The following OTOP1 variants were observed in gnomAD, a reference collection of about 807,000 sequenced individuals.
The protein encoded by OTOP1 is proton channel OTOP1.
Under a neutral mutation model 52.9 loss-of-function variants are expected in OTOP1, and 59 were observed. The ratio of observed to expected loss-of-function variants is 1.12; its 90% CI spans 0.91 to 1.39. The LOEUF is 1.39. Ranked by LOEUF, OTOP1 falls within the 40% of genes most tolerant of loss-of-function variation. The pLI is 0.00. For missense variants in OTOP1, 761 were observed against 800.9 expected, an observed-to-expected ratio of 0.95 and a Z score of 0.60; for synonymous variants, 317 against 337.7, an observed-to-expected ratio of 0.94 and a Z score of 0.67.
intron 1 of OTOP1, among the ~76,000 whole-genome samples, chr4:4,215,314 G>A (rs1482981257): frequency 6.6e-6 from 1 of 152,106 alleles, no homozygotes; most frequent in Non-Finnish European, 1.5e-5. Flanking sequence ...GAATGTCACT[G>A]CTCTACTCAA....
chr4:4,222,967 G>A (rs1169560662), intron 1 of OTOP1, among the ~76,000 whole-genome samples: 1 of 152,196 alleles, frequency 6.6e-6, no homozygotes, highest in African/African-American at 2.4e-5. Context: ...AGAGGCAGCT[G>A]GGATTCTTAT....
intron 5 of OTOP1, among the ~76,000 whole-genome samples, chr4:4,196,739 A>T (rs1284032064): frequency 1.3e-5 from 2 of 152,166 alleles, no homozygotes; most frequent in East Asian, 3.9e-4. Context: ...AAAAATAAAT[A>T]AATAGAAAAT....
At position 4,226,844 on chromosome 4, in the gene OTOP1, C is replaced by G; in HGVS notation, c.21G>C (p.Ser7=). Residue 7 remains serine (S), a synonymous_variant, in exon 1 of 6, where the codon TCG becomes TCC. Coordinates refer to ENST00000296358, the MANE Select transcript of OTOP1 (RefSeq NM_177998.3). MLEGLG[S]PASPRAAASA... ...TTGCAGCTGCCCGGGGCGAGGCGGGCGACCCCAGGCCCTCGAGCATCTTCG... is the reference window on the plus strand; with the variant it reads ...TTGCAGCTGCCCGGGGCGAGGCGGGGGACCCCAGGCCCTCGAGCATCTTCG... 7.4e-7 allele frequency: 1 copy of G among 1,342,486 alleles called. No individual in the cohort carries two copies. Among genetic ancestry groups the G allele is most frequent in the Non-Finnish European group, 9.5e-7 (1 of 1,052,350 alleles). The allele number at this position is 1,342,486 out of a possible 1,614,324, so 83.2% of individuals were successfully genotyped here.
chr4:4,205,752 C>T (rs143078533), intron 3 of OTOP1, among the ~76,000 whole-genome samples: 27 of 152,262 alleles, frequency 1.8e-4, no homozygotes, highest in African/African-American at 3.4e-4. Context: ...GAACTTATGA[C>T]GGTTAAAAAA....
Position 4,226,760 on chromosome 4 carries a change from G to T in OTOP1, c.105C>A (p.Ala35=). The change falls in exon 1 of 6, where the codon GCC becomes GCA. Residue 35 remains alanine, a synonymous_variant. Coordinates refer to ENST00000296358, the MANE Select transcript of OTOP1 (RefSeq NM_177998.3). ...PAACSPPSSS[A]PRSPESPAPR... ...GGGCCGGGGATTCCGGGGACCTCGG[G>T]GCCGAGGACGAGGGAGGCGAGCAGG... is the stretch of plus-strand genomic sequence containing the variant. 7.2e-7 allele frequency: 1 copy of T among 1,388,106 alleles called. No homozygotes were observed. Among genetic ancestry groups the T allele is most frequent in the Non-Finnish European group, 9.3e-7 (1 of 1,072,476 alleles). 86.0% of individuals were successfully genotyped at this position (1,388,106 alleles called of 1,614,324 possible).
intron 1 of OTOP1, among the ~76,000 whole-genome samples, chr4:4,213,980 C>T (rs1270417115): frequency 6.6e-6 from 1 of 152,136 alleles, no homozygotes. Context: ...ATCCCAGCTA[C>T]TTGGGATGCT....
chr4:4,212,004 T>C (rs1198477487), intron 2 of OTOP1, among the ~76,000 whole-genome samples: 1 of 152,188 alleles, frequency 6.6e-6, no homozygotes, highest in South Asian at 2.1e-4. Flanking sequence ...GAAAGGCAAC[T>C]ATGTGAGATG....
chr4:4,215,306 A>G (rs1243642192), intron 1 of OTOP1, among the ~76,000 whole-genome samples: 1 of 152,176 alleles, frequency 6.6e-6, no homozygotes. Flanking sequence ...CAATTTAAGA[A>G]TGTCACTGCT....
intron 4 of OTOP1, among the ~76,000 whole-genome samples, chr4:4,199,893 G>A (rs1428164219): frequency 6.6e-6 from 1 of 152,166 alleles, no homozygotes; most frequent in Non-Finnish European, 1.5e-5. Flanking sequence ...GGACAGAATG[G>A]AGTGGAGTCA....
chr4:4,205,987 C>T (rs1393861730), intron 3 of OTOP1, 85 bp downstream of exon 3: 19 of 1,209,530 alleles, frequency 1.6e-5, no homozygotes, highest in Non-Finnish European at 1.8e-5. Flanking sequence ...GTTTTTATAA[C>T]CAAAGCAAGA....
intron 1 of OTOP1, among the ~76,000 whole-genome samples, chr4:4,224,346 C>CAAA (rs57436899): frequency 1.3e-4 from 15 of 115,346 alleles, no homozygotes; most frequent in Admixed American, 5.6e-4. Flanking sequence ...GACTCCATCT[C>CAAA]AAAAAAAAAA....
In OTOP1 at chr4:4,207,864, G is replaced by C. The variant is rs116188401; in HGVS notation, c.541-1734C>G. On this transcript the variant is annotated intron_variant, in intron 2 of 5. Transcript: ENST00000296358. Reference sequence around the variant, plus strand: ...CCTTTCATTACAGATGATTTTGAGGGCTTCAATATTTTAAAGAGAAAGGGC... The same window carrying C: ...CCTTTCATTACAGATGATTTTGAGGCCTTCAATATTTTAAAGAGAAAGGGC... 6.2e-3 allele frequency among the ~76,000 whole-genome samples: 950 copies of C among 152,250 alleles called. 14 individuals are homozygous for C. The highest frequency in any genetic ancestry group is 0.022 in the African/African-American group (898 of 41,538).
chr4:4,207,589 T>C (rs1716934400), intron 2 of OTOP1, among the ~76,000 whole-genome samples: 2 of 61,534 alleles, frequency 3.3e-5, no homozygotes, highest in Admixed American at 1.5e-4. Flanking sequence ...GCAATACCAC[T>C]TCTGGGTATA....
chr4:4,226,860 A>G lies in OTOP1; in HGVS notation c.5T>C (p.Leu2Pro). The G allele has an allele frequency of 7.5e-7, 1 of 1,325,962 alleles. No homozygotes were observed. Among genetic ancestry groups the G allele is most frequent in the Non-Finnish European group, 9.6e-7 (1 of 1,042,164 alleles). 82.1% of individuals were successfully genotyped at this position (1,325,962 alleles called of 1,614,324 possible). A position where few individuals can be genotyped will look rare whatever the true frequency, so the allele number is the denominator to read the frequency against. The change falls in exon 1 of 6, where the codon CTC becomes CCC. Residue 2 changes from leucine to proline, a missense_variant. Leu to Pro is a moderately conservative substitution (Grantham distance 98). This residue lies in a region of OTOP1 where 73 missense variants were observed against 75.7 expected (regional missense o/e 0.96). Transcript: ENST00000296358. Reference sequence around the variant, plus strand: ...CGAGGCGGGCGACCCCAGGCCCTCGAGCATCTTCGAGACACCCGCGCCAAG... The same window carrying G: ...CGAGGCGGGCGACCCCAGGCCCTCGGGCATCTTCGAGACACCCGCGCCAAG... M[L>P]EGLGSPASPR...
chr4:4,222,782 T>C (rs948411017), intron 1 of OTOP1, among the ~76,000 whole-genome samples: 4 of 152,182 alleles, frequency 2.6e-5, no homozygotes, highest in Non-Finnish European at 5.9e-5. Flanking sequence ...GTCAAACCTG[T>C]CTTTCTAGCT....
chr4:4,198,462 A>G (rs1375570288), intron 4 of OTOP1, among the ~76,000 whole-genome samples: 4 of 152,194 alleles, frequency 2.6e-5, no homozygotes, highest in African/African-American at 4.8e-5. Context: ...AATGTCAACA[A>G]TGGTTATCTC....
chr4:4,218,348 C>A (rs947025330), intron 1 of OTOP1, among the ~76,000 whole-genome samples: 39 of 148,990 alleles, frequency 2.6e-4, no homozygotes, highest in African/African-American at 8.9e-4. Context: ...ACCGAGATTG[C>A]GCCATTGCAC....
chr4:4,222,744 G>C (rs2920236), intron 1 of OTOP1, among the ~76,000 whole-genome samples: 117,289 of 152,126 alleles, frequency 0.77, 46,120 homozygotes, highest in African/African-American at 0.92. Flanking sequence ...AGATTGTCAC[G>C]AACACCAGGG....
At chr4:4,226,022 G>C (rs1326614394) in intron 1 of OTOP1, among the ~76,000 whole-genome samples, 1 of 152,228 alleles carries the variant, frequency 6.6e-6, no homozygotes, top group African/African-American at 2.4e-5. Flanking sequence ...AGAGGCAGAG[G>C]TCCTGCGATG....
Sources: gnomAD v4.1 joint callset for allele counts (sites outside exome capture counted in the v4.1 genomes callset) on GRCh38, gnomAD v4.1.1 for gene constraint, gnomAD v4.1.1 regional missense constraint, MANE v1.5 for transcripts, NCBI Gene and HGNC (gene_info 2026-07-23, HGNC 2026-07-21) for gene names.